The following MIGA2 variants were observed in gnomAD, a reference collection of about 807,000 sequenced individuals.
MIGA2 encodes the protein mitoguardin 2.
MIGA2 carries 36 observed loss-of-function variants against 69.9 expected under a neutral mutation model. The ratio of observed to expected loss-of-function variants is 0.52; its 90% CI spans 0.39 to 0.68. MIGA2 has a LOEUF of 0.68. Among genes scored for constraint, MIGA2 ranks in the 30% least tolerant of loss-of-function variants. MIGA2 has a pLI of 0.00. For synonymous variants in MIGA2, 333 were observed against 349.2 expected (o/e 0.95, Z 0.52); for missense variants, 660 against 787.7 (o/e 0.84, Z 1.94).
chr9:129,042,616 C>T (rs1844977466), intron 3 of MIGA2, 102 bp downstream of exon 3: 2 of 1,233,296 alleles, frequency 1.6e-6, no homozygotes, highest in African/African-American at 1.5e-5. Context: ...CCAGTGTCTT[C>T]CTGTCTCAGA....
At chr9:129,055,517 A>G (rs984483440) in intron 6 of MIGA2, among the ~76,000 whole-genome samples, 1 of 152,144 alleles carries the variant, frequency 6.6e-6, no homozygotes, top group Admixed American at 6.6e-5. Flanking sequence ...TCAAATTGTC[A>G]TAAATTTCCA....
At position 129,070,393 on chromosome 9, in the gene MIGA2, C is replaced by A. The variant is rs1169834771; in HGVS notation, c.1722C>A (p.Ser574Arg). The part of the protein sequence containing the change: ...LLGYLGVPAA[S>R]SAGVNGALPR... Reference sequence around the variant, plus strand: ...GGTACCTGGGGGTGCCCGCGGCCAGCAGCGCAGGCGTGAATGGGGCGCTGC... The same window carrying A: ...GGTACCTGGGGGTGCCCGCGGCCAGAAGCGCAGGCGTGAATGGGGCGCTGC... Residue 574 changes from serine to arginine, a missense_variant, in exon 16 of 16, where the codon AGC becomes AGA. Coordinates refer to ENST00000684074, the MANE Select transcript of MIGA2 (RefSeq NM_001329990.2). 1 of 1,611,570 alleles carries A rather than the reference C, an allele frequency of 6.2e-7. No individual in the cohort carries two copies.
At chr9:129,046,726 G>A (rs1588376804) in intron 3 of MIGA2, among the ~76,000 whole-genome samples, 1 of 152,038 alleles carries the variant, frequency 6.6e-6, no homozygotes, top group East Asian at 1.9e-4. Flanking sequence ...GATTACAGGT[G>A]CGTGCCACCA....
intron 1 of MIGA2, among the ~76,000 whole-genome samples, chr9:129,038,375 C>T (rs1274308795): frequency 2.6e-5 from 4 of 152,128 alleles, no homozygotes; most frequent in Non-Finnish European, 4.4e-5. Flanking sequence ...CTTGTGTGTT[C>T]CTTCCGCTTG....
chr9:129,070,140 A>G lies in MIGA2; in HGVS notation c.1576-107A>G, dbSNP rs370532206. On this transcript the variant is annotated intron_variant, in intron 15 of 15. Transcript: ENST00000684074. ...GGGAGGGAGGAGCCTGGGGATGGAA[A>G]GGACCGGCTGGGGCTCTGGTGGTGG... The G allele has an allele frequency of 2.3e-4, 318 of 1,374,242 alleles. 2 individuals carry two copies. In the East Asian group the frequency reaches 6.9e-3, roughly 30 times the overall value. 85.1% of individuals were successfully genotyped at this position (1,374,242 alleles called of 1,614,324 possible).
At chr9:129,043,803 C>T (rs963611491) in intron 3 of MIGA2, among the ~76,000 whole-genome samples, 8 of 151,594 alleles carry the variant, frequency 5.3e-5, no homozygotes, top group East Asian at 1.9e-4. Flanking sequence ...CGGGTTCAAG[C>T]GATTCTTCTG....
Position 129,068,410 on chromosome 9 carries a change from C to A in MIGA2, c.1404+78C>A. ...GTTGCCTGGCTCCGTCCCCTCTGTCCCTAGCACTGGCACCAGGGCTGGGCC... is the reference window on the plus strand; with the variant it reads ...GTTGCCTGGCTCCGTCCCCTCTGTCACTAGCACTGGCACCAGGGCTGGGCC... On this transcript the variant is annotated intron_variant, in intron 13 of 15. Transcript: ENST00000684074. The surrounding 1 kb of genome is among the most constrained non-coding windows in gnomAD (Gnocchi z 4.1). 6.4e-7 allele frequency: 1 copy of A among 1,570,116 alleles called. No individual in the cohort carries two copies. The highest frequency in any genetic ancestry group is 1.1e-5 in the South Asian group (1 of 87,600).
rs374189232 is a variant in MIGA2 at position 129,061,222 on chromosome 9, C to T, written c.895-9C>T. ...CTTCCCTGGTCTCTTCCTCTGCACC[C>T]TCTCCCAGCTCTTTGAGTCCCTGCA... On this transcript the variant is annotated splice_polypyrimidine_tract_variant and intron_variant, in intron 8 of 15. Transcript: ENST00000684074. The surrounding 1 kb of genome is among the most constrained non-coding windows in gnomAD (Gnocchi z 5.0). 2.6e-5 allele frequency: 42 copies of T among 1,606,150 alleles called. No individual in the cohort carries two copies. In the African/African-American group the frequency reaches 4.7e-4, roughly 18 times the overall value.
chr9:129,054,859 A>G (rs1450161421), intron 6 of MIGA2, among the ~76,000 whole-genome samples: 1 of 152,136 alleles, frequency 6.6e-6, no homozygotes, highest in Non-Finnish European at 1.5e-5. Flanking sequence ...GTATATACCT[A>G]GGAGTGAAAT....
In MIGA2 at chr9:129,060,672, G is replaced by A. The variant is rs1421806949; in HGVS notation, c.894+22G>A. On this transcript the variant is annotated intron_variant, in intron 8 of 15. Coordinates refer to ENST00000684074, the MANE Select transcript of MIGA2 (RefSeq NM_001329990.2). The surrounding 1 kb of genome is among the most constrained non-coding windows in gnomAD (Gnocchi z 4.8). ...CGAGGTGACTCGGGGTGGGGACCAA[G>A]CCTGGGGTGGGGTGAAGGCTGGGCC... is the stretch of plus-strand genomic sequence containing the variant. 17 of 1,555,870 alleles carry A rather than the reference G, an allele frequency of 1.1e-5. No individual in the cohort carries two copies. The African/African-American group carries it at 2.0e-4, about 19-fold the overall frequency.
At position 129,058,460 on chromosome 9, in the gene MIGA2, G is replaced by T. The variant is rs142904000; in HGVS notation, c.676-694G>T. On this transcript the variant is annotated intron_variant, in intron 6 of 15. Transcript: ENST00000684074. ...TTTTCAACTATGTGGGCACAGGGGT[G>T]AGTCAGTTACCATAAGTCCACAATT... Among the ~76,000 whole-genome samples, 604 of 148,930 alleles carry T rather than the reference G, an allele frequency of 4.1e-3. 2 individuals are homozygous for T. Among genetic ancestry groups the T allele is most frequent in the African/African-American group, 0.014 (568 of 40,628 alleles).
chr9:129,070,001 T>A (rs765408290), intron 15 of MIGA2, 36 bp downstream of exon 15: 30 of 1,512,428 alleles, frequency 2.0e-5, no homozygotes, highest in Non-Finnish European at 2.6e-5. Flanking sequence ...TTCCTGACCC[T>A]TGCCCTGAGC....
intron 4 of MIGA2, 42 bp from the exon 5 acceptor site, chr9:129,049,339 G>T: frequency 6.3e-7 from 1 of 1,598,616 alleles, no homozygotes; most frequent in East Asian, 2.2e-5. Context: ...CAGAGAGCCC[G>T]GGAAAGCTTC....
Position 129,039,570 on chromosome 9 carries a change from A to T in MIGA2, c.-143-882A>T, listed in dbSNP as rs113850239. Among the ~76,000 whole-genome samples the T allele has an allele frequency of 3.2e-3, 474 of 150,344 alleles. 1 individual carries two copies. The highest frequency in any genetic ancestry group is 0.011 in the African/African-American group (446 of 40,870). ...TCTTTATTTTATTATTATTATTATT[A>T]TTTTTTGAGACAGAGTTTTGCTCTG... On this transcript the variant is annotated intron_variant, in intron 1 of 15. Coordinates refer to ENST00000684074, the MANE Select transcript of MIGA2 (RefSeq NM_001329990.2).
chr9:129,063,724 A>C lies in MIGA2; in HGVS notation c.1170+93A>C, dbSNP rs988692881. Reference sequence around the variant, plus strand: ...CCTGCCAGAGGGAACCCCTGTGCACAGGCTGATACACGTTCCTCCTACTCC... The same window carrying C: ...CCTGCCAGAGGGAACCCCTGTGCACCGGCTGATACACGTTCCTCCTACTCC... On this transcript the variant is annotated intron_variant, in intron 11 of 15. Coordinates refer to ENST00000684074, the MANE Select transcript of MIGA2 (RefSeq NM_001329990.2). 40 of 1,196,358 alleles carry C rather than the reference A, an allele frequency of 3.3e-5. 1 individual carries two copies. The South Asian group carries it at 4.7e-4, about 14-fold the overall frequency. 74.1% of individuals were successfully genotyped at this position (1,196,358 alleles called of 1,614,324 possible).
chr9:129,070,264 C>T lies in MIGA2; in HGVS notation c.1593C>T (p.Tyr531=). Reference sequence around the variant, plus strand: ...TCCCCCAGCACCAGATTGTGCAGTACCTGAGGGACATGTTCGACCTGGACA... The same window carrying T: ...TCCCCCAGCACCAGATTGTGCAGTATCTGAGGGACATGTTCGACCTGGACA... ...CAFFKHQIVQ[Y]LRDMFDLDNV... The change falls in exon 16 of 16, where the codon TAC becomes TAT. Residue 531 remains tyrosine, a synonymous_variant. Coordinates refer to ENST00000684074, the MANE Select transcript of MIGA2 (RefSeq NM_001329990.2). The T allele has an allele frequency of 6.2e-7, 1 of 1,613,008 alleles. No individual in the cohort carries two copies. Among genetic ancestry groups the T allele is most frequent in the Non-Finnish European group, 8.5e-7 (1 of 1,179,956 alleles).
At position 129,070,283 on chromosome 9, in the gene MIGA2, C is replaced by A. The variant is rs1475481008; in HGVS notation, c.1612C>A (p.Leu538Met). 6.2e-7 allele frequency: 1 copy of A among 1,613,146 alleles called. No homozygotes were observed. Among genetic ancestry groups the A allele is most frequent in the Non-Finnish European group, 8.5e-7 (1 of 1,180,012 alleles). Residue 538 changes from leucine (L) to methionine (M), a missense_variant, in exon 16 of 16, where the codon CTG (leucine) becomes ATG (methionine). Leu to Met is a conservative substitution (Grantham distance 15). Around this residue, in one of 3 missense-constraint regions of MIGA2, gnomAD observed 220 missense variants for 301.7 expected, o/e 0.73. Coordinates refer to ENST00000684074, the MANE Select transcript of MIGA2 (RefSeq NM_001329990.2). ...GCAGTACCTGAGGGACATGTTCGAC[C>A]TGGACAATGTGCGCTACACGTCACT... ...IVQYLRDMFD[L>M]DNVRYTSLPA...
intron 1 of MIGA2, 169 bp downstream of exon 1, chr9:129,036,850 T>A (rs1844616371): frequency 1.3e-6 from 1 of 774,876 alleles, no homozygotes; most frequent in Non-Finnish European, 1.6e-6. Flanking sequence ...GAGGGTGCCT[T>A]GCTTGGGAGC....
rs531854288 is a variant in MIGA2, at chr9:129,055,651, C to A, written c.676-3503C>A. ...GATCACGAGGTCAGGAGATCAAGAC[C>A]ATCCTGGCTAACACAGTGAAACCCC... On this transcript the variant is annotated intron_variant, in intron 6 of 15. Coordinates refer to ENST00000684074, the MANE Select transcript of MIGA2 (RefSeq NM_001329990.2). Among the ~76,000 whole-genome samples the A allele has an allele frequency of 1.3e-3, 192 of 151,922 alleles. 1 individual carries two copies. The highest frequency in any genetic ancestry group is 1.3e-3 in the Non-Finnish European group (90 of 67,998).
Sources: allele counts gnomAD v4.1 joint callset (sites outside exome capture counted in the v4.1 genomes callset), GRCh38; gene constraint gnomAD v4.1.1; regional missense constraint gnomAD v4.1.1; non-coding constraint Gnocchi (gnomAD v3.1); transcripts MANE v1.5; gene names NCBI Gene and HGNC (gene_info 2026-07-23, HGNC 2026-07-21).